The following ITGBL1 variants were observed in gnomAD, a reference collection of about 807,000 sequenced individuals.
The protein encoded by ITGBL1 is integrin subunit beta like 1, also known as integrin beta-like protein 1.
In ITGBL1, 51 loss-of-function variants were observed where a neutral mutation model predicts 68.5. That is an observed-to-expected ratio of 0.74 (90% CI 0.59 to 0.94). The LOEUF is 0.94. ITGBL1 is among the 40% of genes least tolerant of loss of function. ITGBL1 has a pLI of 0.00. For synonymous variants in ITGBL1, 209 were observed against 227.3 expected (o/e 0.92, Z 0.72); for missense variants, 649 against 647.4 (o/e 1.00, Z -0.03).
Position 101,707,655 on chromosome 13 carries a change from C to T in ITGBL1, c.1279+753C>T, listed in dbSNP as rs9557729. 2.5e-4 allele frequency among the ~76,000 whole-genome samples: 38 copies of T among 151,392 alleles called. 1 individual carries two copies. Among genetic ancestry groups the T allele is most frequent in the Admixed American group, 1.6e-3 (24 of 15,186 alleles). On this transcript the variant is annotated intron_variant, in intron 9 of 10. Transcript: ENST00000376180. Reference sequence around the variant, plus strand: ...AGGAGTTCTAGACCAGCCTGGCCAACGTGGTGAAAAATACAAAAATCTACT... The same window carrying T: ...AGGAGTTCTAGACCAGCCTGGCCAATGTGGTGAAAAATACAAAAATCTACT...
chr13:101,520,666 C>A (rs1031179146), intron 2 of ITGBL1, among the ~76,000 whole-genome samples: 2 of 152,134 alleles, frequency 1.3e-5, no homozygotes, highest in Non-Finnish European at 2.9e-5. Context: ...GGATGTGGGA[C>A]CCTGCAAGGC....
chr13:101,680,907 T>C (rs747813695), intron 7 of ITGBL1, among the ~76,000 whole-genome samples: 10 of 152,176 alleles, frequency 6.6e-5, no homozygotes, highest in Admixed American at 1.3e-4. Context: ...TGTATTTCCC[T>C]TTTAGACACT....
rs547958276 is a variant in ITGBL1, at chr13:101,519,450, A to T, written c.317-48249A>T. Among the ~76,000 whole-genome samples, 6 of 152,180 alleles carry T rather than the reference A, an allele frequency of 3.9e-5. 1 individual carries two copies. In the South Asian group the frequency reaches 1.2e-3, roughly 32 times the overall value. On this transcript the variant is annotated intron_variant, in intron 2 of 10. Coordinates refer to ENST00000376180, the MANE Select transcript of ITGBL1 (RefSeq NM_004791.3). ...GCTACGGTACTGCCAAGTGCAGGCTAATCTGCACTTACTCTGCTTCTTTCT... is the reference window on the plus strand; with the variant it reads ...GCTACGGTACTGCCAAGTGCAGGCTTATCTGCACTTACTCTGCTTCTTTCT...
rs531303601 is a variant in ITGBL1 at position 101,704,402 on chromosome 13, T to C, written c.1133-2354T>C. ...TCTGAAAGCCCAAAATTTAATGGATTTTTCAAGAAAGAAATTATGGAGAGA... is the reference window on the plus strand; with the variant it reads ...TCTGAAAGCCCAAAATTTAATGGATCTTTCAAGAAAGAAATTATGGAGAGA... On this transcript the variant is annotated intron_variant, in intron 8 of 10. Coordinates refer to ENST00000376180, the MANE Select transcript of ITGBL1 (RefSeq NM_004791.3). 2.0e-3 allele frequency among the ~76,000 whole-genome samples: 296 copies of C among 148,312 alleles called. 2 individuals carry two copies. The highest frequency in any genetic ancestry group is 2.9e-3 in the Non-Finnish European group (195 of 67,386).
At chr13:101,559,638 A>AT (rs1211717745) in intron 2 of ITGBL1, among the ~76,000 whole-genome samples, 3 of 152,208 alleles carry the variant, frequency 2.0e-5, no homozygotes, top group Non-Finnish European at 4.4e-5. Context: ...CCATTGCTAA[A>AT]TTCCAGAACT....
At chr13:101,455,703 C>T (rs1219898311) in intron 2 of ITGBL1, among the ~76,000 whole-genome samples, 1 of 152,104 alleles carries the variant, frequency 6.6e-6, no homozygotes, top group Non-Finnish European at 1.5e-5. Context: ...TATTGGATGC[C>T]ACAACTTGTT....
intron 2 of ITGBL1, among the ~76,000 whole-genome samples, chr13:101,539,609 T>A (rs573810502): frequency 4.0e-5 from 6 of 151,880 alleles, no homozygotes; most frequent in Non-Finnish European, 7.4e-5. Flanking sequence ...TAGTTTTAGA[T>A]CCCTGAGGAA....
chr13:101,637,279 T>G (rs189228976), intron 7 of ITGBL1, among the ~76,000 whole-genome samples: 2 of 152,150 alleles, frequency 1.3e-5, no homozygotes, highest in Admixed American at 1.3e-4. Flanking sequence ...ACTTGAAATG[T>G]CAAGTATGGT....
intron 6 of ITGBL1, among the ~76,000 whole-genome samples, chr13:101,594,101 A>AACC (rs1208274185): frequency 6.6e-6 from 1 of 152,126 alleles, no homozygotes; most frequent in African/African-American, 2.4e-5. Context: ...ATTCACATGG[A>AACC]ACCACAATAT....
chr13:101,664,389 T>A (rs1355081288), intron 7 of ITGBL1, among the ~76,000 whole-genome samples: 1 of 152,166 alleles, frequency 6.6e-6, no homozygotes, highest in Non-Finnish European at 1.5e-5. Context: ...TGAATCAAAT[T>A]ATTTACAGGT....
intron 2 of ITGBL1, among the ~76,000 whole-genome samples, chr13:101,467,741 TA>T (rs1284818226): frequency 6.6e-6 from 1 of 152,222 alleles, no homozygotes; most frequent in Non-Finnish European, 1.5e-5. Context: ...TCAGTCCCTG[TA>T]CCAAGAGCCC....
chr13:101,585,676 A>G lies in ITGBL1; in HGVS notation c.868+2320A>G, dbSNP rs191403812. 3.9e-3 allele frequency among the ~76,000 whole-genome samples: 595 copies of G among 152,142 alleles called. 7 individuals are homozygous for G. The highest frequency in any genetic ancestry group is 0.014 in the Middle Eastern group (4 of 294). On this transcript the variant is annotated intron_variant, in intron 6 of 10. Coordinates refer to ENST00000376180, the MANE Select transcript of ITGBL1 (RefSeq NM_004791.3). ...CAATCTCCTGACCTTGTGATCCGCC[A>G]GCCTCGGCCTCCCAAAGTGCTGGGA...
At chr13:101,558,056 C>T (rs1169473741) in intron 2 of ITGBL1, among the ~76,000 whole-genome samples, 1 of 134,952 alleles carries the variant, frequency 7.4e-6, no homozygotes, top group African/African-American at 2.9e-5. Flanking sequence ...GCCACTCCAG[C>T]CTGGGAGACA....
chr13:101,620,486 C>T (rs1164953574), intron 7 of ITGBL1, among the ~76,000 whole-genome samples: 1 of 152,080 alleles, frequency 6.6e-6, no homozygotes, highest in African/African-American at 2.4e-5. Context: ...AGGATGCATA[C>T]AATTTTATTA....
chr13:101,572,582 C>G (rs956836660), intron 3 of ITGBL1, among the ~76,000 whole-genome samples: 1 of 152,080 alleles, frequency 6.6e-6, no homozygotes, highest in African/African-American at 2.4e-5. Context: ...GAGAGAGAAG[C>G]TGTGTGTGTC....
intron 2 of ITGBL1, among the ~76,000 whole-genome samples, chr13:101,511,148 T>A (rs1044440860): frequency 1.3e-5 from 2 of 152,100 alleles, no homozygotes; most frequent in Non-Finnish European, 2.9e-5. Flanking sequence ...CATTCAATTT[T>A]CCTAATTTAT....
At chr13:101,661,670 C>G (rs905329734) in intron 7 of ITGBL1, among the ~76,000 whole-genome samples, 7 of 152,088 alleles carry the variant, frequency 4.6e-5, no homozygotes, top group African/African-American at 1.7e-4. Flanking sequence ...TGTAATATAT[C>G]TTTCATCATG....
At chr13:101,571,337 A>G (rs2050268864) in intron 3 of ITGBL1, among the ~76,000 whole-genome samples, 1 of 152,234 alleles carries the variant, frequency 6.6e-6, no homozygotes, top group East Asian at 1.9e-4. Context: ...TACCTCAATC[A>G]TGCCCAAGAT....
intron 9 of ITGBL1, chr13:101,710,837 A>C (rs1445972310): frequency 6.6e-6 from 1 of 152,180 alleles, no homozygotes; most frequent in Non-Finnish European, 1.5e-5. Context: ...TTTCTTTACA[A>C]ATTTATAGCC....
Sources: allele counts gnomAD v4.1 joint callset (sites outside exome capture counted in the v4.1 genomes callset), GRCh38; gene constraint gnomAD v4.1.1; transcripts MANE v1.5; gene names NCBI Gene and HGNC (gene_info 2026-07-23, HGNC 2026-07-21).